Variants in TRAF5 observed in about 807,000 individuals in gnomAD.
TRAF5 encodes TNF receptor-associated factor 5.
TRAF5 carries 48 observed loss-of-function variants against 64.5 expected under a neutral mutation model. The observed-to-expected ratio is 0.74, with a 90% CI of 0.59 to 0.95. The LOEUF (loss-of-function observed/expected upper bound fraction) is 0.95, where lower values mean the gene tolerates loss of function less well. Among genes scored for constraint, TRAF5 ranks in the 40% least tolerant of loss-of-function variants. The pLI is 0.00. For missense variants in TRAF5, 545 were observed against 662.8 expected (o/e 0.82, Z 1.95); for synonymous variants, 206 against 240.5 (o/e 0.86, Z 1.33).
upstream of TRAF5, chr1:211,326,695 C>G (rs528093074): frequency 4.1e-5 from 40 of 986,152 alleles, no homozygotes; most frequent in African/African-American, 5.9e-4. This position sits in a 1 kb window ranked among gnomAD's most constrained non-coding sequence, Gnocchi z 5.0. Context: ...TTCCAACCGC[C>G]TGGATGACGG....
intron 1 of TRAF5, among the ~76,000 whole-genome samples, chr1:211,335,348 C>A (rs756370450): frequency 2.6e-5 from 4 of 152,154 alleles, no homozygotes; most frequent in Non-Finnish European, 5.9e-5. Context: ...TTAAGTGGGA[C>A]AACCTATGTA....
chr1:211,334,019 G>A (rs1034945186), intron 1 of TRAF5, among the ~76,000 whole-genome samples: 1 of 152,158 alleles, frequency 6.6e-6, no homozygotes, highest in African/African-American at 2.4e-5. Flanking sequence ...ACAGGATTCA[G>A]CATCCAGCAG....
intron 1 of TRAF5, among the ~76,000 whole-genome samples, chr1:211,334,550 T>C (rs1702241692): frequency 6.6e-6 from 1 of 151,982 alleles, no homozygotes; most frequent in Non-Finnish European, 1.5e-5. Context: ...CCCAGCTACT[T>C]GGGAGGCTGA....
At chr1:211,336,714 C>A (rs910192251) in intron 1 of TRAF5, among the ~76,000 whole-genome samples, 16 of 152,230 alleles carry the variant, frequency 1.1e-4, no homozygotes, top group Non-Finnish European at 2.2e-4. Context: ...GGCTGGAGTG[C>A]AGTGGTGTGA....
At chr1:211,337,856 G>A (rs925488042) in intron 1 of TRAF5, among the ~76,000 whole-genome samples, 1 of 152,176 alleles carries the variant, frequency 6.6e-6, no homozygotes, top group African/African-American at 2.4e-5. Flanking sequence ...CAGGTTGGGT[G>A]GGGATTTGAT....
chr1:211,351,428 G>A (rs913030403), intron 1 of TRAF5, among the ~76,000 whole-genome samples: 1 of 152,012 alleles, frequency 6.6e-6, no homozygotes, highest in African/African-American at 2.4e-5. Context: ...CTGTCACATG[G>A]GGGGTTAGAA....
In TRAF5 at chr1:211,356,532, T is replaced by C. The variant is rs1702975101; in HGVS notation, c.378+64T>C. Reference sequence around the variant, plus strand: ...TTTCCAGGAATGTGTGTTGAACCCCTTTATGTGACAGTTACTGAGCTAAGC... The same window carrying C: ...TTTCCAGGAATGTGTGTTGAACCCCCTTATGTGACAGTTACTGAGCTAAGC... On this transcript the variant is annotated intron_variant, in intron 4 of 10. Transcript: ENST00000261464. The C allele has an allele frequency of 2.2e-6, 3 of 1,388,684 alleles. No homozygotes were observed. The South Asian group carries it at 3.5e-5, about 16-fold the overall frequency. The allele number at this position is 1,388,684 out of a possible 1,614,324, so 86.0% of individuals were successfully genotyped here.
chr1:211,352,190 G>T (rs552835206), intron 1 of TRAF5, among the ~76,000 whole-genome samples: 1 of 152,060 alleles, frequency 6.6e-6, no homozygotes, highest in East Asian at 1.9e-4. Flanking sequence ...GGCTGCAGAC[G>T]CCTCACAATC....
At position 211,345,369 on chromosome 1, in the gene TRAF5, C is replaced by G. The variant is rs145920479; in HGVS notation, c.-1-7870C>G. ...CTGTGCCAGCCCTGCGCTCCCCCCC[C>G]CTCCTTTTTTTTTGCTTCCTGGTAG... On this transcript the variant is annotated intron_variant, in intron 1 of 10. Coordinates refer to ENST00000261464, the MANE Select transcript of TRAF5 (RefSeq NM_001033910.3). 5.1e-4 allele frequency among the ~76,000 whole-genome samples: 77 copies of G among 152,000 alleles called. 1 individual carries two copies. In the South Asian group the frequency reaches 0.012, roughly 23 times the overall value.
chr1:211,362,635 G>A (rs1333584803), intron 7 of TRAF5, among the ~76,000 whole-genome samples: 15 of 152,124 alleles, frequency 9.9e-5, no homozygotes, highest in South Asian at 4.2e-4. Flanking sequence ...AGCCAAGGTC[G>A]CGCCACTGCA....
At chr1:211,355,064 T>C (rs979328858) in intron 3 of TRAF5, among the ~76,000 whole-genome samples, 3 of 151,896 alleles carry the variant, frequency 2.0e-5, no homozygotes, top group African/African-American at 7.3e-5. Flanking sequence ...TCCCAGCTAC[T>C]TGGGAGGCCG....
At chr1:211,361,310 A>G in intron 7 of TRAF5, 148 bp downstream of exon 7, 1 of 690,234 alleles carries the variant, frequency 1.4e-6, no homozygotes, top group Non-Finnish European at 2.4e-6. Context: ...CTCCAGAGAA[A>G]CAGAACCAAT....
intron 9 of TRAF5, 57 bp from the exon 10 acceptor site, chr1:211,371,245 G>T: frequency 6.8e-7 from 1 of 1,477,940 alleles, no homozygotes. Context: ...TAATCTCAAT[G>T]AATTGCTAAA....
intron 9 of TRAF5, 137 bp downstream of exon 9, chr1:211,369,729 G>C (rs182508656): frequency 9.8e-5 from 99 of 1,006,828 alleles, no homozygotes; most frequent in Non-Finnish European, 1.1e-4. Flanking sequence ...AAGAACACTT[G>C]TATAACCTCC....
chr1:211,360,839 T>C, intron 6 of TRAF5, 60 bp downstream of exon 6: 1 of 1,498,404 alleles, frequency 6.7e-7, no homozygotes, highest in East Asian at 2.3e-5. Flanking sequence ...GTAATCATTG[T>C]GGTCTGTGTT....
At chr1:211,357,607 GGT>G (rs779091727) in intron 4 of TRAF5, 1 of 148,432 alleles carries the variant, frequency 6.7e-6, no homozygotes, top group South Asian at 2.2e-4. Flanking sequence ...CCACTTCTAT[GGT>G]AAGGTGTAGA....
chr1:211,346,447 G>T (rs1440436434), intron 1 of TRAF5: 6 of 985,116 alleles, frequency 6.1e-6, no homozygotes. Flanking sequence ...AGAGACAGAG[G>T]TCTCTGGTCC....
intron 1 of TRAF5, among the ~76,000 whole-genome samples, chr1:211,329,826 G>A (rs924240403): frequency 4.6e-5 from 7 of 152,210 alleles, no homozygotes; most frequent in Admixed American, 1.3e-4. Context: ...AGGAGAACAC[G>A]CTGCAGGGCA....
chr1:211,356,074 C>T (rs1305117279), intron 3 of TRAF5, among the ~76,000 whole-genome samples: 1 of 152,208 alleles, frequency 6.6e-6, no homozygotes, highest in Non-Finnish European at 1.5e-5. Context: ...GGCCAAGCTT[C>T]ACCTCCTGAC....
Sources: allele counts gnomAD v4.1 joint callset (sites outside exome capture counted in the v4.1 genomes callset), GRCh38; gene constraint gnomAD v4.1.1; non-coding constraint Gnocchi (gnomAD v3.1); transcripts MANE v1.5; gene names NCBI Gene and HGNC (gene_info 2026-07-23, HGNC 2026-07-21).